ADGRD2: variants seen among roughly 807,000 people sequenced by gnomAD.
The protein encoded by ADGRD2 is G protein-coupled receptor PGR24.
In ADGRD2, 71 loss-of-function variants were observed where a neutral mutation model predicts 44.4. That is an observed-to-expected ratio of 1.60 (90% CI 1.32 to 1.95). The LOEUF (loss-of-function observed/expected upper bound fraction) is 1.95. ADGRD2 is among the 30% of genes most tolerant of loss of function. The pLI is 0.00. For synonymous variants in ADGRD2, 481 were observed against 224.8 expected (o/e 2.14, Z -10.19); for missense variants, 1,039 against 512.4 (o/e 2.03, Z -9.92).
At chr9:124,452,870 C>G in intron 2 of ADGRD2, 148 bp downstream of exon 5, 1 of 606,512 alleles carries the variant, frequency 1.6e-6, no homozygotes. Context: ...GACTGGGCGT[C>G]GGGGCTTGAC....
chr9:124,452,647 G>A, exon 2 of ADGRD2: 1 of 718,158 alleles, frequency 1.4e-6, no homozygotes, highest in Non-Finnish European at 2.6e-6. Context: ...CCCTGATGGG[G>A]TTCTTGCTTC....
Position 124,454,359 on chromosome 9 carries a change from C to T in ADGRD2, c.1023-125C>T, listed in dbSNP as rs980876879. 1.8e-5 allele frequency: 11 copies of T among 623,432 alleles called. No homozygotes were observed. In the East Asian group the frequency reaches 3.0e-4, roughly 17 times the overall value. The allele number at this position is 623,432 out of a possible 1,614,324, so 38.6% of individuals were successfully genotyped here. ...AGAACACCGTGTGTAAGACTCTGGA[C>T]ACACAGCCATCAAGGTGCTCTTCCT... On this transcript the variant is annotated intron_variant, in intron 4 of 21. Transcript: ENST00000334810. The surrounding 1 kb of genome is among the most constrained non-coding windows in gnomAD (Gnocchi z 4.5).
intron 17 of ADGRD2, among the ~76,000 whole-genome samples, chr9:124,471,241 C>T (rs919093571): frequency 2.0e-5 from 3 of 152,056 alleles, no homozygotes; most frequent in Non-Finnish European, 2.9e-5. Context: ...CCTGGCCCCT[C>T]GTTTTCCCTC....
At chr9:124,465,894 T>G (rs1570578) in intron 10 of ADGRD2, 165,952 of 166,430 alleles carry the variant, frequency 1, 82,741 homozygotes, top group Middle Eastern at 1. Context: ...TCTGTCAAAT[T>G]GGCGTTGAAC....
intron 17 of ADGRD2, among the ~76,000 whole-genome samples, chr9:124,471,557 T>G (rs970550579): frequency 6.6e-6 from 1 of 152,168 alleles, no homozygotes; most frequent in African/African-American, 2.4e-5. Flanking sequence ...GCCTTGTAAG[T>G]GGGGAAACTG....
At chr9:124,476,656 C>T (rs1158729149) in intron 20 of ADGRD2, 23 bp from the exon 24 acceptor site, 15 of 700,284 alleles carry the variant, frequency 2.1e-5, no homozygotes, top group Non-Finnish European at 3.4e-5. Context: ...GGGCCACCCC[C>T]GTGACAGCCC....
Position 124,454,109 on chromosome 9 carries a change from C to A in ADGRD2, c.1022+12C>A. ...CTGCTACCGGACAGGTGCGCCCTGG[C>A]TGTACCCCTGGGCTCTGCTGAAGGG... On this transcript the variant is annotated intron_variant, in intron 4 of 21. Transcript: ENST00000334810. This position sits in a 1 kb window ranked among gnomAD's most constrained non-coding sequence, Gnocchi z 4.5. 1 of 686,116 alleles carries A rather than the reference C, an allele frequency of 1.5e-6. No homozygotes were observed. Among genetic ancestry groups the A allele is most frequent in the Non-Finnish European group, 2.7e-6 (1 of 371,090 alleles). 42.5% of individuals were successfully genotyped at this position (686,116 alleles called of 1,614,324 possible). A position where few individuals can be genotyped will look rare whatever the true frequency, so the allele number is the denominator to read the frequency against.
chr9:124,474,197 C>T (rs974327607), intron 17 of ADGRD2, among the ~76,000 whole-genome samples: 2 of 151,352 alleles, frequency 1.3e-5, no homozygotes, highest in African/African-American at 4.9e-5. Flanking sequence ...ATCGCTTGAA[C>T]CCAGGAGTTG....
chr9:124,451,356 C>A (rs1831464425), upstream of ADGRD2: 3 of 399,250 alleles, frequency 7.5e-6, no homozygotes, highest in African/African-American at 2.1e-5. Context: ...CTGCTGCCTC[C>A]CCCTCTCCCA....
At chr9:124,466,214 T>A (rs541566671) in intron 10 of ADGRD2, 44 bp from the exon 14 acceptor site, 2 of 550,494 alleles carry the variant, frequency 3.6e-6, no homozygotes, top group African/African-American at 1.9e-5. Context: ...GCCTTTCCCC[T>A]GCTTGCTTCT....
rs1217791481 is a variant in ADGRD2, at chr9:124,461,587, G to A, written c.1870+2866G>A. Among the ~76,000 whole-genome samples, 3 of 152,100 alleles carry A rather than the reference G, an allele frequency of 2.0e-5. No homozygotes were observed. In the East Asian group the frequency reaches 5.8e-4, roughly 29 times the overall value. On this transcript the variant is annotated intron_variant, in intron 10 of 21. Coordinates refer to ENST00000334810, the Ensembl canonical transcript of ADGRD2. The stretch of plus-strand genomic sequence containing the variant: ...TCACCTTTGTTGAAATCAATTGTCT[G>A]CATATGTGTAGATCTATTTCTGGGC...
exon 17 of ADGRD2, chr9:124,470,557 C>G: frequency 1.4e-6 from 1 of 710,214 alleles, no homozygotes; most frequent in Non-Finnish European, 2.6e-6. Context: ...TGGCAGGCAT[C>G]CTGGTGCACC....
intron 3 of ADGRD2, 71 bp downstream of exon 6, chr9:124,453,747 C>T: frequency 1.5e-6 from 1 of 646,892 alleles, no homozygotes; most frequent in Admixed American, 2.3e-5. Context: ...GAACTCGACC[C>T]ACCCCTTGCC....
intron 17 of ADGRD2, among the ~76,000 whole-genome samples, chr9:124,470,928 A>G (rs1886124): frequency 0.61 from 92,325 of 152,160 alleles, 30,417 homozygotes; most frequent in African/African-American, 0.86. Flanking sequence ...CCCCTTGGCC[A>G]GTGCCAGAGC....
At chr9:124,464,541 A>G (rs1831779046) in intron 10 of ADGRD2, among the ~76,000 whole-genome samples, 1 of 152,212 alleles carries the variant, frequency 6.6e-6, no homozygotes, top group Non-Finnish European at 1.5e-5. Flanking sequence ...GTGCTTGGCA[A>G]GACACAAAGG....
At position 124,454,929 on chromosome 9, in the gene ADGRD2, G is replaced by C; in HGVS notation, c.1197G>C (p.Leu399=). ...TCCTGGGCCTTCTGGAGCATGTCCTGGCGATGGAGATGGCTCCCCTGGGGC... is the reference window on the plus strand; with the variant it reads ...TCCTGGGCCTTCTGGAGCATGTCCTCGCGATGGAGATGGCTCCCCTGGGGC... Residue 399 remains leucine, a synonymous_variant, in exon 6 of 22, where the codon CTG becomes CTC. Coordinates refer to ENST00000334810, the Ensembl canonical transcript of ADGRD2. The surrounding 1 kb of genome is among the most constrained non-coding windows in gnomAD (Gnocchi z 4.5). 1.4e-6 allele frequency: 1 copy of C among 717,032 alleles called. No homozygotes were observed. Among genetic ancestry groups the C allele is most frequent in the Non-Finnish European group, 2.6e-6 (1 of 385,092 alleles). 44.4% of individuals were successfully genotyped at this position (717,032 alleles called of 1,614,324 possible).
intron 9 of ADGRD2, 133 bp from the exon 13 acceptor site, chr9:124,458,483 A>G (rs756258812): frequency 9.5e-6 from 6 of 630,354 alleles, no homozygotes; most frequent in Non-Finnish European, 1.8e-5. Context: ...AGACTGAACC[A>G]GGTGCCACAA....
chr9:124,472,700 G>T (rs377272087), intron 17 of ADGRD2, among the ~76,000 whole-genome samples: 2 of 151,994 alleles, frequency 1.3e-5, no homozygotes, highest in Admixed American at 6.6e-5. Context: ...GGAGACGGGG[G>T]TCTCACCATG....
chr9:124,462,099 C>T (rs1044264719), intron 10 of ADGRD2, among the ~76,000 whole-genome samples: 2 of 151,706 alleles, frequency 1.3e-5, no homozygotes, highest in Admixed American at 1.3e-4. Flanking sequence ...ATTTTGTTGC[C>T]CAGGCTGGAG....
Sources: allele counts gnomAD v4.1 joint callset (sites outside exome capture counted in the v4.1 genomes callset), GRCh38; gene constraint gnomAD v4.1.1; non-coding constraint Gnocchi (gnomAD v3.1); transcripts MANE v1.5; gene names NCBI Gene and HGNC (gene_info 2026-07-23, HGNC 2026-07-21).